Variants in MECR observed in about 807,000 individuals in gnomAD.
The protein encoded by MECR is enoyl-[acyl-carrier-protein] reductase, mitochondrial.
Under a neutral mutation model 49.1 loss-of-function variants are expected in MECR, and 37 were observed. The observed-to-expected ratio is 0.75, with a 90% CI of 0.58 to 0.99. The LOEUF (loss-of-function observed/expected upper bound fraction) is 0.99. MECR is among the 50% of genes least tolerant of loss of function. The pLI is 0.00. For synonymous variants in MECR, 198 were observed against 191.1 expected, an observed-to-expected ratio of 1.04 and a Z score of -0.30; for missense variants, 470 against 479.6, an observed-to-expected ratio of 0.98 and a Z score of 0.19.
Position 29,209,485 on chromosome 1 carries a change from G to C in MECR, c.407-2580C>G, listed in dbSNP as rs187134745. 8.8e-4 allele frequency among the ~76,000 whole-genome samples: 134 copies of C among 152,286 alleles called. 1 individual carries two copies. Among genetic ancestry groups the C allele is most frequent in the Admixed American group, 2.6e-3 (40 of 15,272 alleles). On this transcript the variant is annotated intron_variant, in intron 3 of 9. Transcript: ENST00000263702. ...TATTGCTGGGTGAAGACTGTGGAGT[G>C]GGGAGGGGCAGCGTGGAAGCCAGAG...
rs112680487 is a variant in MECR, at chr1:29,208,756, C to G, written c.407-1851G>C. Among the ~76,000 whole-genome samples the G allele has an allele frequency of 1.7e-3, 265 of 152,204 alleles. 1 individual carries two copies. Among genetic ancestry groups the G allele is most frequent in the Middle Eastern group, 0.014 (4 of 294 alleles). ...TTTATCTTGCACCCAGGCACTTGAACAATACAGACAGTTTCCTTAGTTTCA... is the reference window on the plus strand; with the variant it reads ...TTTATCTTGCACCCAGGCACTTGAAGAATACAGACAGTTTCCTTAGTTTCA... On this transcript the variant is annotated intron_variant, in intron 3 of 9. Coordinates refer to ENST00000263702, the MANE Select transcript of MECR (RefSeq NM_016011.5).
intron 7 of MECR, among the ~76,000 whole-genome samples, chr1:29,197,315 A>T (rs1674241282): frequency 6.6e-6 from 1 of 152,178 alleles, no homozygotes; most frequent in Non-Finnish European, 1.5e-5. Context: ...GCCAGTGCTC[A>T]TTCTAAGAAT....
chr1:29,202,391 A>C (rs1034576704), intron 5 of MECR, among the ~76,000 whole-genome samples: 1 of 152,202 alleles, frequency 6.6e-6, no homozygotes, highest in Non-Finnish European at 1.5e-5. Context: ...GTGGTTCTTC[A>C]GAGTGTTGGA....
the MECR span, chr1:29,172,215 T>C: frequency 6.6e-6 from 1 of 152,202 alleles, no homozygotes; most frequent in East Asian, 1.9e-4. Flanking sequence ...TGCTACTTAA[T>C]TCATAGTCCT....
intron 1 of MECR, among the ~76,000 whole-genome samples, chr1:29,230,003 T>C (rs184487026): frequency 4.6e-5 from 7 of 152,230 alleles, no homozygotes; most frequent in Non-Finnish European, 5.9e-5. Context: ...AAACAGCTAC[T>C]AAGACGTTGA....
the MECR span, among the ~76,000 whole-genome samples, chr1:29,182,331 G>A: frequency 4.6e-5 from 7 of 152,194 alleles, no homozygotes; most frequent in African/African-American, 1.7e-4. Context: ...AAGGGGGAGA[G>A]TAGTTCCTAC....
intron 3 of MECR, among the ~76,000 whole-genome samples, chr1:29,207,134 T>C (rs1238238409): frequency 6.6e-6 from 1 of 152,144 alleles, no homozygotes; most frequent in Non-Finnish European, 1.5e-5. Flanking sequence ...TTTAATTTTT[T>C]TTTTGGAGAC....
intron 3 of MECR, among the ~76,000 whole-genome samples, chr1:29,213,497 G>A (rs1159803797): frequency 6.6e-6 from 1 of 152,238 alleles, no homozygotes; most frequent in Non-Finnish European, 1.5e-5. Flanking sequence ...GTATCACAGA[G>A]GAGGGTGAGA....
At position 29,194,014 on chromosome 1, in the gene MECR, T is replaced by G. The variant is rs1159667555; in HGVS notation, c.*8A>C. 2 of 1,613,780 alleles carry G rather than the reference T, an allele frequency of 1.2e-6. No homozygotes were observed. Among genetic ancestry groups the G allele is most frequent in the East Asian group, 4.5e-5 (2 of 44,872 alleles). The stretch of plus-strand genomic sequence containing the variant: ...CCCTCCCATGTCACTCCAGCTCTTT[T>G]GGGATGATCACATGGTGAGAATCTG... On this transcript the variant is annotated 3_prime_UTR_variant, in exon 10 of 10. Coordinates refer to ENST00000263702, the MANE Select transcript of MECR (RefSeq NM_016011.5).
intron 3 of MECR, among the ~76,000 whole-genome samples, chr1:29,212,587 T>C (rs1444002641): frequency 1.3e-5 from 2 of 152,158 alleles, no homozygotes; most frequent in Non-Finnish European, 2.9e-5. Flanking sequence ...AGCCCTTGAC[T>C]CCATGCCCTC....
At chr1:29,223,330 A>G in intron 1 of MECR, 1 of 976,814 alleles carries the variant, frequency 1.0e-6, no homozygotes, top group Non-Finnish European at 1.2e-6. Flanking sequence ...GAGGGGGGAA[A>G]AGAGGCCAGT....
chr1:29,181,758 C>CA, the MECR span: 1 of 1,573,430 alleles, frequency 6.4e-7, no homozygotes, highest in African/African-American at 1.4e-5. Flanking sequence ...GGCATCCCGG[C>CA]AACGGCAGTG....
intron 1 of MECR, among the ~76,000 whole-genome samples, chr1:29,226,167 T>TAA (rs57234529): frequency 5.2e-4 from 23 of 44,396 alleles, no homozygotes; most frequent in African/African-American, 1.7e-3. Flanking sequence ...AGGCTCTATC[T>TAA]AAAAAAAAAA....
At chr1:29,189,892 G>A (rs1227256373), downstream of MECR, among the ~76,000 whole-genome samples, 2 of 151,912 alleles carry the variant, frequency 1.3e-5, no homozygotes, top group South Asian at 2.1e-4. Context: ...TCCCTTTTTC[G>A]GCTTCAGATT....
chr1:29,182,816 T>C, the MECR span, among the ~76,000 whole-genome samples: 2 of 152,210 alleles, frequency 1.3e-5, no homozygotes, highest in Non-Finnish European at 2.9e-5. Context: ...AGTGCTGGGA[T>C]TACAGGCGTG....
chr1:29,181,409 C>G, the MECR span, among the ~76,000 whole-genome samples: 1 of 152,180 alleles, frequency 6.6e-6, no homozygotes, highest in South Asian at 2.1e-4. Context: ...CTTTCCTTCT[C>G]CCCGTCCCAC....
intron 3 of MECR, among the ~76,000 whole-genome samples, chr1:29,208,235 G>T (rs1014992976): frequency 6.6e-6 from 1 of 152,054 alleles, no homozygotes; most frequent in East Asian, 1.9e-4. Context: ...CAGCTGATCC[G>T]CCCGCCTCGG....
the MECR span, chr1:29,169,992 C>T: frequency 6.6e-6 from 1 of 152,302 alleles, no homozygotes; most frequent in Admixed American, 6.5e-5. Context: ...AGGTATTTCA[C>T]TTTTACACTG....
chr1:29,182,850 G>A, the MECR span, among the ~76,000 whole-genome samples: 3 of 152,186 alleles, frequency 2.0e-5, no homozygotes, highest in East Asian at 5.8e-4. Flanking sequence ...GGCCTATCCA[G>A]TCTATTTTCT....
Sources: gnomAD v4.1 joint callset for allele counts (sites outside exome capture counted in the v4.1 genomes callset) on GRCh38, gnomAD v4.1.1 for gene constraint, MANE v1.5 for transcripts, NCBI Gene and HGNC (gene_info 2026-07-23, HGNC 2026-07-21) for gene names.